Variants in IL10RB observed in about 807,000 individuals in gnomAD.
The protein encoded by IL10RB is interleukin-10 receptor subunit beta.
IL10RB carries 30 observed loss-of-function variants against 38.7 expected under a neutral mutation model. The observed-to-expected ratio is 0.78, with a 90% CI of 0.58 to 1.05. The LOEUF (loss-of-function observed/expected upper bound fraction) is 1.05, where lower values mean the gene tolerates loss of function less well. Among genes scored for constraint, IL10RB ranks in the 50% least tolerant of loss-of-function variants. IL10RB has a pLI of 0.00. For missense variants in IL10RB, 328 were observed against 397.1 expected, an observed-to-expected ratio of 0.83 and a Z score of 1.48; for synonymous variants, 142 against 145.9, an observed-to-expected ratio of 0.97 and a Z score of 0.19.
chr21:33,292,088 C>T (rs1286595438), intron 6 of IL10RB, among the ~76,000 whole-genome samples: 1 of 152,126 alleles, frequency 6.6e-6, no homozygotes, highest in African/African-American at 2.4e-5. Context: ...GAAATCTCCA[C>T]GCTCCAGCTA....
Position 33,279,889 on chromosome 21 carries a change from C to G in IL10RB, c.469C>G (p.Gln157Glu), listed in dbSNP as rs1989249019. The G allele has an allele frequency of 6.2e-7, 1 of 1,613,578 alleles. No homozygotes were observed. The highest frequency in any genetic ancestry group is 1.7e-5 in the Admixed American group (1 of 60,004). The change falls in exon 4 of 7, where the codon CAA (glutamine) becomes GAA (glutamate). Residue 157 changes from glutamine (Q) to glutamate (E), a missense_variant. Transcript: ENST00000290200. ...GTATAACTCATGGACTTATAATGTG[C>G]AATACTGGAAAAACGGTACTGATGA... The part of the protein sequence containing the change: ...NVYNSWTYNV[Q>E]YWKNGTDEKF...
chr21:33,270,403 C>T (rs1601827316), intron 2 of IL10RB, among the ~76,000 whole-genome samples: 1 of 148,386 alleles, frequency 6.7e-6, no homozygotes, highest in African/African-American at 2.5e-5. Flanking sequence ...TTTTTTGAGA[C>T]GGAGTCTCGC....
chr21:33,272,911 T>C (rs1989107069), intron 2 of IL10RB, among the ~76,000 whole-genome samples: 1 of 152,252 alleles, frequency 6.6e-6, no homozygotes, highest in African/African-American at 2.4e-5. Flanking sequence ...CTTTCTGTCA[T>C]GTTCCCTTTA....
Position 33,279,797 on chromosome 21 carries a change from C to A in IL10RB, c.377C>A (p.Ser126Tyr), listed in dbSNP as rs1163600433. ...PGMQVEVLAD[S>Y]LHMRFLAPKI... ...ATGCAAGTAGAAGTACTTGCTGATT[C>A]TTTACATATGCGTTTCTTAGCCCCT... The change falls in exon 4 of 7, where the codon TCT (serine) becomes TAT (tyrosine). Residue 126 changes from serine to tyrosine, a missense_variant. By Grantham distance (144) the Ser-to-Tyr change is moderately radical. Transcript: ENST00000290200. 1.9e-6 allele frequency: 3 copies of A among 1,613,824 alleles called. No individual in the cohort carries two copies. The highest frequency in any genetic ancestry group is 4.5e-5 in the East Asian group (2 of 44,884).
At chr21:33,299,555 C>A (rs1334339121), downstream of IL10RB, among the ~76,000 whole-genome samples, 2 of 152,212 alleles carry the variant, frequency 1.3e-5, no homozygotes, top group Non-Finnish European at 2.9e-5. Context: ...CCTGCCCCTC[C>A]CCTAACATAC....
chr21:33,297,698 A>G (rs971238316), downstream of IL10RB, among the ~76,000 whole-genome samples: 43 of 152,284 alleles, frequency 2.8e-4, no homozygotes, highest in African/African-American at 1.0e-3. Context: ...CTGTAGTCCC[A>G]GCTACTCAGG....
intron 2 of IL10RB, among the ~76,000 whole-genome samples, chr21:33,275,963 T>C (rs1989162487): frequency 2.0e-5 from 3 of 152,238 alleles, no homozygotes; most frequent in African/African-American, 7.2e-5. Context: ...CATATAATCA[T>C]GATGAAAAGT....
At chr21:33,278,161 G>A (rs1434747625) in intron 3 of IL10RB, among the ~76,000 whole-genome samples, 5 of 152,056 alleles carry the variant, frequency 3.3e-5, no homozygotes, top group Admixed American at 3.3e-4. Flanking sequence ...AGGCTGCAGT[G>A]AGCCATTATC....
Position 33,267,502 on chromosome 21 carries a change from G to GT in IL10RB, c.50-885dup, listed in dbSNP as rs1555864810. Among the ~76,000 whole-genome samples, 191 of 102,648 alleles carry GT rather than the reference G, an allele frequency of 1.9e-3. 4 individuals carry two copies. The highest frequency in any genetic ancestry group is 6.2e-3 in the African/African-American group (168 of 26,964). The allele number at this position is 102,648 out of a possible 152,430, so 67.3% of individuals were successfully genotyped here. A position where few individuals can be genotyped will look rare whatever the true frequency, so the allele number is the denominator to read the frequency against. ...CTTCCGTTTTTTTTTTTGTTTGTTT[G>GT]TTTTTTTGTTTTTTTGTTTTTTTTT... On this transcript the variant is annotated intron_variant, in intron 1 of 6. Coordinates refer to ENST00000290200, the MANE Select transcript of IL10RB (RefSeq NM_000628.5).
chr21:33,271,595 G>T (rs749946370), intron 2 of IL10RB, among the ~76,000 whole-genome samples: 5 of 152,034 alleles, frequency 3.3e-5, no homozygotes, highest in Non-Finnish European at 4.4e-5. Flanking sequence ...GGGTATGGTG[G>T]TGCATACCTG....
downstream of IL10RB, among the ~76,000 whole-genome samples, chr21:33,298,950 G>A (rs561428027): frequency 2.0e-5 from 3 of 152,288 alleles, no homozygotes; most frequent in African/African-American, 7.2e-5. Context: ...GACCCCATCT[G>A]CAGAATAAAA....
chr21:33,279,112 G>C (rs1169169715), intron 3 of IL10RB, among the ~76,000 whole-genome samples: 1 of 152,184 alleles, frequency 6.6e-6, no homozygotes, highest in Non-Finnish European at 1.5e-5. Flanking sequence ...TTCTTAAGAA[G>C]ACTGAAGCAA....
chr21:33,294,148 G>T, intron 6 of IL10RB: 1 of 450,882 alleles, frequency 2.2e-6, no homozygotes, highest in Non-Finnish European at 4.5e-6. Flanking sequence ...AGAAATCAGA[G>T]ATGGGAGTGG....
At chr21:33,304,454 G>A (rs185508112) in intron 1 of IL10RB, among the ~76,000 whole-genome samples, 1 of 152,332 alleles carries the variant, frequency 6.6e-6, no homozygotes, top group African/African-American at 2.4e-5. Flanking sequence ...CGCTGATCCA[G>A]CCAATATCCA....
chr21:33,275,815 T>A (rs1601829627), intron 2 of IL10RB, among the ~76,000 whole-genome samples: 1 of 152,062 alleles, frequency 6.6e-6, no homozygotes, highest in Non-Finnish European at 1.5e-5. Context: ...GGCAGGAGAG[T>A]GGACAGTGGG....
rs547091893 is a variant in IL10RB at position 33,296,687 on chromosome 21, G to A, written c.*330G>A. ...AACAGGGCCGAGCACAGTGGCTCACGCCTGTAATACCAGCACCTTAGAGGT... is the reference window on the plus strand; with the variant it reads ...AACAGGGCCGAGCACAGTGGCTCACACCTGTAATACCAGCACCTTAGAGGT... On this transcript the variant is annotated 3_prime_UTR_variant, in exon 7 of 7. Coordinates refer to ENST00000290200, the MANE Select transcript of IL10RB (RefSeq NM_000628.5). 3.3e-5 allele frequency: 14 copies of A among 425,890 alleles called. No homozygotes were observed. The highest frequency in any genetic ancestry group is 5.5e-5 in the Non-Finnish European group (12 of 216,898). The allele number at this position is 425,890 out of a possible 1,614,324, so 26.4% of individuals were successfully genotyped here.
intron 3 of IL10RB, 24 bp from the exon 4 acceptor site, chr21:33,279,728 C>A: frequency 1.2e-6 from 2 of 1,608,284 alleles, no homozygotes; most frequent in South Asian, 1.1e-5. Flanking sequence ...TTTTGATTGT[C>A]ATTTTGCTTG....
intron 1 of IL10RB, among the ~76,000 whole-genome samples, chr21:33,306,465 A>T (rs2082999078): frequency 6.6e-6 from 1 of 152,164 alleles, no homozygotes; most frequent in South Asian, 2.1e-4. Context: ...TAAATTTTTA[A>T]TCATTGTTTA....
rs371599691 is a variant in IL10RB, at chr21:33,268,090, C to T, written c.50-304C>T. ...TCAGGAAGTCTCCAGTTTGTTTTTACGTCTGGAAATATATCTGAAATCCAT... is the reference window on the plus strand; with the variant it reads ...TCAGGAAGTCTCCAGTTTGTTTTTATGTCTGGAAATATATCTGAAATCCAT... On this transcript the variant is annotated intron_variant, in intron 1 of 6. Transcript: ENST00000290200. 113 of 590,110 alleles carry T rather than the reference C, an allele frequency of 1.9e-4. No homozygotes were observed. In the African/African-American group the frequency reaches 2.0e-3, roughly 11 times the overall value. The allele number at this position is 590,110 out of a possible 1,614,324, so 36.6% of individuals were successfully genotyped here.
Sources: gnomAD v4.1 joint callset for allele counts (sites outside exome capture counted in the v4.1 genomes callset) on GRCh38, gnomAD v4.1.1 for gene constraint, MANE v1.5 for transcripts, NCBI Gene and HGNC (gene_info 2026-07-23, HGNC 2026-07-21) for gene names.